Variants in TENM1 observed in about 807,000 individuals in gnomAD.
The protein encoded by TENM1 is teneurin-1.
Under a neutral mutation model 174.8 loss-of-function variants are expected in TENM1, and 35 were observed. That is an observed-to-expected ratio of 0.20 (90% confidence interval 0.15 to 0.27). The LOEUF (loss-of-function observed/expected upper bound fraction) is 0.27, where lower values mean the gene tolerates loss of function less well. Among genes scored for constraint, TENM1 ranks in the 10% least tolerant of loss-of-function variants. The probability of loss-of-function intolerance (pLI) is 1.00; values close to 1 mark genes in which losing one functional copy is unlikely to be tolerated. For synonymous variants in TENM1, 781 were observed against 798.7 expected (o/e 0.98, Z 0.37); for missense variants, 1,633 against 2,130.1 (o/e 0.77, Z 4.59).
chrX:124,528,643 T>G lies in TENM1; in HGVS notation c.2771+1221A>C, dbSNP rs772487481. ...ATAGAGAACTCTGATTATAGAATAT[T>G]TGAAAGGAAATGAAGTTTTATATAT... On this transcript the variant is annotated intron_variant, in intron 16 of 31. Coordinates refer to ENST00000422452, the Ensembl canonical transcript of TENM1. Among the ~76,000 whole-genome samples the G allele has an allele frequency of 2.7e-5, 3 of 109,590 alleles. No homozygotes were observed. In the South Asian group the frequency reaches 1.2e-3, roughly 44 times the overall value.
At chrX:124,646,028 A>T (rs1019948820) in intron 9 of TENM1, among the ~76,000 whole-genome samples, 1 of 112,393 alleles carries the variant, frequency 8.9e-6, no homozygotes, top group Admixed American at 9.5e-5. Flanking sequence ...CAAGTGTCTG[A>T]GAAACCTGAT....
intron 4 of TENM1, among the ~76,000 whole-genome samples, chrX:124,727,166 G>A (rs2053459230): frequency 8.9e-6 from 1 of 112,290 alleles, no homozygotes. Flanking sequence ...TCCTGCCCCG[G>A]CATGATTCCT....
At chrX:124,434,953 TTTTAA>T (rs2060820629) in intron 23 of TENM1, among the ~76,000 whole-genome samples, 1 of 112,209 alleles carries the variant, frequency 8.9e-6, no homozygotes, top group Non-Finnish European at 1.9e-5. Flanking sequence ...TGAGTCTCTA[TTTTAA>T]TTTAATTTTA....
At chrX:125,019,892 G>A in the TENM1 span, among the ~76,000 whole-genome samples, 1 of 111,380 alleles carries the variant, frequency 9.0e-6, no homozygotes, top group Non-Finnish European at 1.9e-5. Context: ...ATAAGTCCAT[G>A]GCATAATTGT....
At chrX:124,438,394 A>G (rs1316203835) in intron 23 of TENM1, among the ~76,000 whole-genome samples, 1 of 110,845 alleles carries the variant, frequency 9.0e-6, no homozygotes, top group Non-Finnish European at 1.9e-5. Flanking sequence ...TCTGTATCTT[A>G]GAGAGCTTCA....
At chrX:125,130,887 A>G in the TENM1 span, among the ~76,000 whole-genome samples, 6 of 111,298 alleles carry the variant, frequency 5.4e-5, no homozygotes, top group African/African-American at 2.0e-4. Flanking sequence ...TAGGGGAGAC[A>G]CTCGGTAAAT....
chrX:125,090,209 T>C, the TENM1 span, among the ~76,000 whole-genome samples: 1 of 111,979 alleles, frequency 8.9e-6, no homozygotes, highest in African/African-American at 3.2e-5. Context: ...TTCAATAATA[T>C]GTAGGGACTT....
At position 124,907,901 on chromosome X, in the gene TENM1, C is replaced by T. The variant is rs752312692; in HGVS notation, c.218-11660G>A. Among the ~76,000 whole-genome samples, 22 of 111,997 alleles carry T rather than the reference C, an allele frequency of 2.0e-4. 1 individual carries two copies. Among genetic ancestry groups the T allele is most frequent in the Non-Finnish European group, 3.9e-4 (21 of 53,196 alleles). On this transcript the variant is annotated intron_variant, in intron 1 of 31. Coordinates refer to ENST00000422452, the Ensembl canonical transcript of TENM1. ...TATTTACATTACAGTCCTATCATTA[C>T]AAACTTTTATTTAGAAAGAAAGGCC...
At chrX:124,490,175 G>C (rs2047036450) in intron 20 of TENM1, among the ~76,000 whole-genome samples, 1 of 112,075 alleles carries the variant, frequency 8.9e-6, no homozygotes, top group Non-Finnish European at 1.9e-5. Context: ...CAATTCAAAG[G>C]AACATATTTC....
intron 3 of TENM1, among the ~76,000 whole-genome samples, chrX:124,748,628 T>C (rs2053991825): frequency 8.9e-6 from 1 of 111,884 alleles, no homozygotes; most frequent in Non-Finnish European, 1.9e-5. Flanking sequence ...TGTAGAGTAC[T>C]TTCTCTGCTA....
intron 3 of TENM1, among the ~76,000 whole-genome samples, chrX:124,857,773 A>C (rs936766565): frequency 5.4e-5 from 6 of 110,571 alleles, no homozygotes; most frequent in Non-Finnish European, 9.5e-5. Flanking sequence ...TAAAAAAAAA[A>C]CCCAAAACCA....
chrX:125,142,553 T>C, the TENM1 span, among the ~76,000 whole-genome samples: 2 of 110,060 alleles, frequency 1.8e-5, no homozygotes, highest in African/African-American at 3.3e-5. Context: ...ACAGAAAATT[T>C]TACTTAAAAA....
At chrX:124,853,454 C>T (rs2056760342) in intron 3 of TENM1, among the ~76,000 whole-genome samples, 1 of 110,634 alleles carries the variant, frequency 9.0e-6, no homozygotes, top group Admixed American at 9.6e-5. Flanking sequence ...TGTATGGGAT[C>T]AAAAACACAG....
chrX:125,201,950 G>C, the TENM1 span, among the ~76,000 whole-genome samples: 4 of 111,354 alleles, frequency 3.6e-5, no homozygotes, highest in Admixed American at 9.5e-5. Flanking sequence ...TTTTCCCCAC[G>C]TTGCAGATAT....
intron 3 of TENM1, among the ~76,000 whole-genome samples, chrX:124,830,734 G>A (rs889491238): frequency 9.0e-6 from 1 of 111,141 alleles, no homozygotes; most frequent in African/African-American, 3.3e-5. Flanking sequence ...AAGGGCTATG[G>A]TATTCGTATA....
intron 23 of TENM1, among the ~76,000 whole-genome samples, chrX:124,449,758 T>G (rs766266641): frequency 4.5e-5 from 5 of 111,967 alleles, no homozygotes; most frequent in Non-Finnish European, 9.4e-5. Flanking sequence ...TTTGTTCATT[T>G]TGTCAGTTTT....
chrX:125,096,830 G>C, the TENM1 span, among the ~76,000 whole-genome samples: 1 of 109,648 alleles, frequency 9.1e-6, no homozygotes, highest in South Asian at 4.0e-4. Context: ...ACCTGGACCA[G>C]AGTTTCTGAT....
At chrX:124,953,783 C>T (rs1285936744) in intron 1 of TENM1, among the ~76,000 whole-genome samples, 1 of 111,735 alleles carries the variant, frequency 8.9e-6, no homozygotes, top group African/African-American at 3.3e-5. Context: ...TACACAATTC[C>T]ATTTGGTGAA....
exon 29 of TENM1, chrX:124,385,702 G>C (rs1416817695): frequency 8.3e-7 from 1 of 1,198,554 alleles, no homozygotes; most frequent in African/African-American, 1.8e-5. Flanking sequence ...TGATTGTGCA[G>C]ATGAATCCGT....
Sources: allele counts gnomAD v4.1 joint callset (sites outside exome capture counted in the v4.1 genomes callset), GRCh38; gene constraint gnomAD v4.1.1; transcripts MANE v1.5; gene names NCBI Gene and HGNC (gene_info 2026-07-23, HGNC 2026-07-21).